Variants in ABCA13 observed in about 807,000 individuals in gnomAD.
ABCA13 encodes ATP-binding cassette sub-family A member 13.
A neutral mutation model predicts 478.7 loss-of-function variants in ABCA13; 476 were observed. The observed-to-expected ratio is 0.99, with a 90% CI of 0.92 to 1.07. The LOEUF (loss-of-function observed/expected upper bound fraction) is 1.07. Among genes scored for constraint, ABCA13 ranks in the 50% least tolerant of loss-of-function variants. The probability of loss-of-function intolerance (pLI) is 0.00; values close to 1 mark genes in which losing one functional copy is unlikely to be tolerated. For missense variants in ABCA13, 6,060 were observed against 5,910.6 expected, an observed-to-expected ratio of 1.03 and a Z score of -0.83; for synonymous variants, 2,252 against 2,158.9, an observed-to-expected ratio of 1.04 and a Z score of -1.20.
chr7:48,454,179 C>A (rs2129678058), intron 42 of ABCA13, among the ~76,000 whole-genome samples: 1 of 152,308 alleles, frequency 6.6e-6, no homozygotes, highest in Non-Finnish European at 1.5e-5. Flanking sequence ...AAAACTATCA[C>A]CACAGCTGAT....
At chr7:48,610,793 A>G (rs1045482369) in intron 58 of ABCA13, among the ~76,000 whole-genome samples, 4 of 152,168 alleles carry the variant, frequency 2.6e-5, no homozygotes, top group African/African-American at 4.8e-5. Context: ...CCTGGGATTT[A>G]TCTGGGACAA....
chr7:48,489,186 A>C, intron 47 of ABCA13, 50 bp from the exon 48 acceptor site: 1 of 1,438,218 alleles, frequency 7.0e-7, no homozygotes, highest in Non-Finnish European at 9.6e-7. Flanking sequence ...TGACAAACAG[A>C]CTTACGAGCT....
intron 27 of ABCA13, among the ~76,000 whole-genome samples, chr7:48,328,275 G>A (rs1563059013): frequency 6.6e-6 from 1 of 152,102 alleles, no homozygotes; most frequent in African/African-American, 2.4e-5. Context: ...TCTTTCCCAG[G>A]GAGCCCTACA....
intron 38 of ABCA13, among the ~76,000 whole-genome samples, chr7:48,396,457 C>A (rs1816846070): frequency 6.6e-6 from 1 of 152,148 alleles, no homozygotes; most frequent in African/African-American, 2.4e-5. Context: ...GCAGAGGCTC[C>A]AGGAGATGGT....
chr7:48,410,389 A>AT (rs1301493367), intron 39 of ABCA13, 131 bp from the exon 40 acceptor site: 51 of 1,198,584 alleles, frequency 4.3e-5, no homozygotes, highest in Non-Finnish European at 6.1e-5. Flanking sequence ...ACGCATTTCA[A>AT]TTTTTTTCAG....
intron 54 of ABCA13, among the ~76,000 whole-genome samples, chr7:48,526,259 T>C (rs1832887958): frequency 6.6e-6 from 1 of 152,216 alleles, no homozygotes; most frequent in African/African-American, 2.4e-5. Context: ...AGAGTAAAAC[T>C]TTTGATTCTG....
intron 37 of ABCA13, among the ~76,000 whole-genome samples, chr7:48,391,459 T>G (rs930049824): frequency 2.0e-5 from 3 of 152,198 alleles, no homozygotes; most frequent in Admixed American, 2.0e-4. Flanking sequence ...CTTTTTACTT[T>G]CAGTACAATA....
Position 48,273,398 on chromosome 7 carries a change from A to T in ABCA13, c.3732A>T (p.Ser1244=). 1 of 1,613,576 alleles carries T rather than the reference A, an allele frequency of 6.2e-7. No individual in the cohort carries two copies. Among genetic ancestry groups the T allele is most frequent in the Non-Finnish European group, 8.5e-7 (1 of 1,179,704 alleles). The change falls in exon 17 of 62, where the codon TCA becomes TCT. Residue 1244 remains serine, a synonymous_variant. Transcript: ENST00000435803. ...FLVALGNALV[S]VKKLNLEQVE... ...TAGCTTTAGGTAATGCATTAGTTTCAGTAAAAAAACTTAACTTGGAGCAAG... is the reference window on the plus strand; with the variant it reads ...TAGCTTTAGGTAATGCATTAGTTTCTGTAAAAAAACTTAACTTGGAGCAAG...
At chr7:48,493,693 G>A (rs1017848896) in intron 48 of ABCA13, among the ~76,000 whole-genome samples, 5 of 152,210 alleles carry the variant, frequency 3.3e-5, no homozygotes, top group African/African-American at 1.2e-4. Context: ...GCAATGTCAT[G>A]AACAAGCCAG....
chr7:48,274,963 C>CT lies in ABCA13; in HGVS notation c.5298dup (p.Glu1767Ter). The CT allele has an allele frequency of 1.2e-6, 2 of 1,613,828 alleles. No individual in the cohort carries two copies. Among genetic ancestry groups the CT allele is most frequent in the Non-Finnish European group, 1.7e-6 (2 of 1,179,764 alleles). On this transcript the variant is annotated frameshift_variant, in exon 17 of 62. Coordinates refer to ENST00000435803, the MANE Select transcript of ABCA13 (RefSeq NM_152701.5). LOFTEE classifies it high-confidence loss of function. ...CAGGGAGTACCTGGTAAAAACATCACTGAAGGCCTCAAGGATGTCTACAGC... is the reference window on the plus strand; with the variant it reads ...CAGGGAGTACCTGGTAAAAACATCACTTGAAGGCCTCAAGGATGTCTACAGC...
chr7:48,335,331 G>T, intron 27 of ABCA13, 91 bp from the exon 28 acceptor site: 1 of 842,144 alleles, frequency 1.2e-6, no homozygotes, highest in South Asian at 2.3e-5. Context: ...TCTTTGCTCT[G>T]GTGGCCACAT....
At position 48,313,101 on chromosome 7, in the gene ABCA13, A is replaced by C; in HGVS notation, c.9551A>C (p.Asn3184Thr). 3.7e-6 allele frequency: 6 copies of C among 1,609,104 alleles called. No individual in the cohort carries two copies. Among genetic ancestry groups the C allele is most frequent in the Non-Finnish European group, 5.1e-6 (6 of 1,177,846 alleles). Residue 3184 changes from asparagine to threonine, a missense_variant, in exon 25 of 62, where the codon AAC becomes ACC. Coordinates refer to ENST00000435803, the MANE Select transcript of ABCA13 (RefSeq NM_152701.5). ...CCTTCTGAAGCAAATGGCTTGCTCA[A>C]CTCCTTGCTGGATATAGTTTCCAGC... ...LMPSEANGLLNSLLDIVSSLS... is the reference protein window; with the variant it reads ...LMPSEANGLLTSLLDIVSSLS...
chr7:48,252,873 T>C (rs1792784916), intron 15 of ABCA13, among the ~76,000 whole-genome samples: 2 of 152,202 alleles, frequency 1.3e-5, no homozygotes, highest in African/African-American at 4.8e-5. Flanking sequence ...TATTTTGGTA[T>C]GTCTTGATAC....
At chr7:48,404,793 A>C (rs951373185) in intron 39 of ABCA13, 1 of 152,224 alleles carries the variant, frequency 6.6e-6, no homozygotes, top group Admixed American at 6.5e-5. Flanking sequence ...GCTTAACCAT[A>C]GGCTGGAGTC....
intron 39 of ABCA13, among the ~76,000 whole-genome samples, chr7:48,405,029 A>G (rs1818081451): frequency 6.6e-6 from 1 of 152,232 alleles, no homozygotes; most frequent in South Asian, 2.1e-4. Flanking sequence ...GTGCAGCCAC[A>G]TCGGAGTTCA....
chr7:48,203,620 CAA>C (rs146505601), intron 3 of ABCA13, among the ~76,000 whole-genome samples: 30,853 of 152,136 alleles, frequency 0.2, 3,360 homozygotes, highest in Middle Eastern at 0.26. Flanking sequence ...TTCATTTTAA[CAA>C]GAGGATTTCA....
intron 15 of ABCA13, among the ~76,000 whole-genome samples, chr7:48,266,841 G>A (rs1608951): frequency 0.73 from 110,638 of 151,768 alleles, 41,066 homozygotes; most frequent in East Asian, 0.99. Context: ...TCCCCTAAAT[G>A]CTGATTTTAG....
intron 51 of ABCA13, among the ~76,000 whole-genome samples, chr7:48,512,080 G>C (rs1243890122): frequency 2.6e-4 from 40 of 151,666 alleles, no homozygotes; most frequent in Admixed American, 2.4e-3. Context: ...AGATAGACAG[G>C]GAGAGAGAGA....
intron 1 of ABCA13, among the ~76,000 whole-genome samples, chr7:48,183,181 C>G (rs1163051646): frequency 3.3e-5 from 5 of 152,192 alleles, no homozygotes; most frequent in African/African-American, 1.2e-4. Context: ...GAAAGGCTCT[C>G]TTTCTTTCTT....
Sources: allele counts gnomAD v4.1 joint callset (sites outside exome capture counted in the v4.1 genomes callset), GRCh38; gene constraint gnomAD v4.1.1; transcripts MANE v1.5; gene names NCBI Gene and HGNC (gene_info 2026-07-23, HGNC 2026-07-21).